Variants in KDM4C observed in about 807,000 individuals in gnomAD.
KDM4C encodes the protein lysine-specific demethylase 4C.
KDM4C carries 81 observed loss-of-function variants against 129.3 expected under a neutral mutation model. The ratio of observed to expected loss-of-function variants is 0.63; its 90% CI spans 0.52 to 0.75. KDM4C has a LOEUF of 0.75. KDM4C is among the 30% of genes least tolerant of loss of function. The pLI is 0.00. For missense variants in KDM4C, 1,457 were observed against 1,304.0 expected (o/e 1.12, Z -1.81); for synonymous variants, 573 against 456.1 (o/e 1.26, Z -3.26).
chr9:6,849,399 G>T, intron 4 of KDM4C, 108 bp from the exon 5 acceptor site: 1 of 842,670 alleles, frequency 1.2e-6, no homozygotes, highest in Non-Finnish European at 1.8e-6. Context: ...CAGTTAGTTA[G>T]AATATACAAT....
chr9:7,036,076 A>C (rs916648826), intron 15 of KDM4C, among the ~76,000 whole-genome samples: 1 of 152,148 alleles, frequency 6.6e-6, no homozygotes, highest in Non-Finnish European at 1.5e-5. Context: ...TGCCTTGGGT[A>C]ATACTGTCAT....
At chr9:7,128,304 C>A (rs1647449156) in intron 19 of KDM4C, 68 bp downstream of exon 19, 1 of 1,295,312 alleles carries the variant, frequency 7.7e-7, no homozygotes, top group East Asian at 2.8e-5. Flanking sequence ...GTAACTGAGC[C>A]CTTCAGAATT....
At chr9:6,831,889 C>G (rs929414257) in intron 4 of KDM4C, among the ~76,000 whole-genome samples, 13 of 152,186 alleles carry the variant, frequency 8.5e-5, no homozygotes, top group Non-Finnish European at 1.8e-4. Context: ...ATGCAGTTTT[C>G]ATTCAGCTAT....
chr9:6,891,396 G>A (rs933008954), intron 7 of KDM4C, among the ~76,000 whole-genome samples: 1 of 152,132 alleles, frequency 6.6e-6, no homozygotes, highest in Non-Finnish European at 1.5e-5. Context: ...CTAAGTGGAA[G>A]AATTCAGTAA....
chr9:6,756,805 CAATT>C (rs917671676), upstream of KDM4C, among the ~76,000 whole-genome samples: 1 of 152,194 alleles, frequency 6.6e-6, no homozygotes, highest in Non-Finnish European at 1.5e-5. Flanking sequence ...AGCCTTAGCT[CAATT>C]AATCACATTC....
intron 4 of KDM4C, among the ~76,000 whole-genome samples, chr9:6,827,157 C>G (rs187094180): frequency 8.5e-5 from 13 of 152,308 alleles, no homozygotes; most frequent in Admixed American, 8.5e-4. Flanking sequence ...TTAAACATCA[C>G]AGAATATTTG....
chr9:6,789,695 G>A (rs185035352), intron 1 of KDM4C, among the ~76,000 whole-genome samples: 54 of 151,906 alleles, frequency 3.6e-4, no homozygotes, highest in African/African-American at 1.2e-3. Flanking sequence ...AGGACTGTGT[G>A]TATACTATAT....
At chr9:7,153,766 G>A (rs567435306) in intron 19 of KDM4C, among the ~76,000 whole-genome samples, 37 of 152,296 alleles carry the variant, frequency 2.4e-4, no homozygotes, top group South Asian at 8.3e-4. Context: ...TTATTGGGGA[G>A]CTTCCAGAAT....
intron 2 of KDM4C, among the ~76,000 whole-genome samples, chr9:6,796,957 C>G (rs764096780): frequency 6.6e-6 from 1 of 151,764 alleles, no homozygotes; most frequent in Non-Finnish European, 1.5e-5. Context: ...TCCTGGGGAA[C>G]CGAGCCACCC....
chr9:6,813,433 T>G (rs1186951896), intron 3 of KDM4C, among the ~76,000 whole-genome samples: 1 of 152,248 alleles, frequency 6.6e-6, no homozygotes, highest in Non-Finnish European at 1.5e-5. Context: ...AGTTGTTTGG[T>G]ATTTTGAATA....
chr9:6,780,725 G>A (rs1588215563), intron 1 of KDM4C, among the ~76,000 whole-genome samples: 4 of 116,036 alleles, frequency 3.4e-5, no homozygotes, highest in Non-Finnish European at 6.5e-5. Flanking sequence ...CCGAGATTCC[G>A]CCATTGTACT....
intron 8 of KDM4C, 77 bp from the exon 9 acceptor site, chr9:6,980,848 A>G: frequency 2.5e-6 from 3 of 1,201,528 alleles, no homozygotes; most frequent in Non-Finnish European, 3.6e-6. Context: ...TTCATGGATG[A>G]TGTGTTCAAG....
chr9:7,103,876 A>C lies in KDM4C; in HGVS notation c.2610+6A>C. 1 of 1,613,234 alleles carries C rather than the reference A, an allele frequency of 6.2e-7. No individual in the cohort carries two copies. The highest frequency in any genetic ancestry group is 8.5e-7 in the Non-Finnish European group (1 of 1,179,344). The stretch of plus-strand genomic sequence containing the variant: ...ATAAGGTCAACCCCAACGTGGTAAG[A>C]TGTGCCCTCCCTTCCTCAGTGCTAA... On this transcript the variant is annotated splice_donor_region_variant and intron_variant, in intron 18 of 21. Transcript: ENST00000381309.
chr9:6,939,976 A>ACCTACCTACCTT (rs1458974643), intron 8 of KDM4C, among the ~76,000 whole-genome samples: 73 of 93,522 alleles, frequency 7.8e-4, no homozygotes, highest in Admixed American at 3.1e-3. Flanking sequence ...CTACCTACCT[A>ACCTACCTACCTT]CCTTCCTTCC....
intron 18 of KDM4C, among the ~76,000 whole-genome samples, chr9:7,124,756 A>C (rs1839861464): frequency 6.6e-6 from 1 of 152,140 alleles, no homozygotes; most frequent in Non-Finnish European, 1.5e-5. Context: ...AGGTACAGAA[A>C]ATTTTCCCAA....
chr9:6,971,193 A>G (rs762931867), intron 8 of KDM4C, among the ~76,000 whole-genome samples: 4 of 152,198 alleles, frequency 2.6e-5, no homozygotes, highest in African/African-American at 7.2e-5. Context: ...TGATTATTAT[A>G]TAAGTTATAC....
intron 2 of KDM4C, among the ~76,000 whole-genome samples, chr9:6,796,966 C>T (rs983468885): frequency 6.6e-6 from 1 of 151,380 alleles, no homozygotes; most frequent in Non-Finnish European, 1.5e-5. Flanking sequence ...ACCGAGCCAC[C>T]CATGATGTTC....
chr9:6,939,955 AACCAACCT>A lies in KDM4C; in HGVS notation c.922-40966_922-40959del, dbSNP rs764559182. Among the ~76,000 whole-genome samples the A allele has an allele frequency of 4.1e-3, 340 of 83,068 alleles. 3 individuals carry two copies. The highest frequency in any genetic ancestry group is 8.8e-3 in the African/African-American group (218 of 24,688). 54.5% of individuals were successfully genotyped at this position (83,068 alleles called of 152,430 possible). A position where few individuals can be genotyped will look rare whatever the true frequency, so the allele number is the denominator to read the frequency against. On this transcript the variant is annotated intron_variant, in intron 8 of 21. Coordinates refer to ENST00000381309, the MANE Select transcript of KDM4C (RefSeq NM_015061.6). ...TTACCCCATGTGCTTTAAATCCAAT[AACCAACCT>A]ACCTACCTACCTACCTTCCTTCCTT...
At chr9:7,014,230 GGTTT>G (rs1246108600) in intron 14 of KDM4C, 4 of 436,256 alleles carry the variant, frequency 9.2e-6, no homozygotes, top group Non-Finnish European at 1.6e-5. Context: ...TTTTTTTGTT[GGTTT>G]GTTTGTTTGG....
Sources: allele counts gnomAD v4.1 joint callset (sites outside exome capture counted in the v4.1 genomes callset), GRCh38; gene constraint gnomAD v4.1.1; transcripts MANE v1.5; gene names NCBI Gene and HGNC (gene_info 2026-07-23, HGNC 2026-07-21).